FHOD3: variants seen among roughly 807,000 people sequenced by gnomAD.
FHOD3 encodes the protein formin homology 2 domain containing 3.
FHOD3 carries 90 observed loss-of-function variants against 173.0 expected under a neutral mutation model. The ratio of observed to expected loss-of-function variants is 0.52; its 90% CI spans 0.44 to 0.62. The LOEUF (loss-of-function observed/expected upper bound fraction) is 0.62. FHOD3 is among the 20% of genes least tolerant of loss of function. FHOD3 has a pLI of 0.00. For missense variants in FHOD3, 1,945 were observed against 2,034.7 expected (o/e 0.96, Z 0.85); for synonymous variants, 828 against 823.0 (o/e 1.01, Z -0.10).
At chr18:36,440,197 C>T (rs989728379) in intron 3 of FHOD3, among the ~76,000 whole-genome samples, 8 of 152,170 alleles carry the variant, frequency 5.3e-5, no homozygotes, top group African/African-American at 1.7e-4. Flanking sequence ...CAGGGACCAT[C>T]CTTTGAATAG....
chr18:36,674,978 T>G (rs1170809741), intron 14 of FHOD3, among the ~76,000 whole-genome samples: 1 of 152,230 alleles, frequency 6.6e-6, no homozygotes, highest in East Asian at 1.9e-4. Flanking sequence ...TGGGGATTTT[T>G]GAATGCCAAT....
chr18:36,325,170 AG>A (rs1394007778), intron 1 of FHOD3, among the ~76,000 whole-genome samples: 3 of 151,604 alleles, frequency 2.0e-5, no homozygotes, highest in African/African-American at 7.3e-5. Flanking sequence ...TTTGGAGAGG[AG>A]GGGGTTTTGA....
At chr18:36,511,170 C>T (rs544094424) in intron 4 of FHOD3, among the ~76,000 whole-genome samples, 2 of 151,692 alleles carry the variant, frequency 1.3e-5, no homozygotes, top group South Asian at 4.2e-4. Context: ...TTATTTTTGC[C>T]CTGTTGTGAT....
At chr18:36,578,562 C>G (rs2058739190) in intron 6 of FHOD3, among the ~76,000 whole-genome samples, 1 of 152,182 alleles carries the variant, frequency 6.6e-6, no homozygotes, top group Admixed American at 6.5e-5. Flanking sequence ...TAGAGTGAGC[C>G]TTTCCAGGCT....
In FHOD3 at chr18:36,625,576, G is replaced by T. The variant is rs2034038507; in HGVS notation, c.1023G>T (p.Arg341=). Residue 341 remains arginine, a synonymous_variant, in exon 10 of 29, where the codon CGG becomes CGT. Coordinates refer to ENST00000590592, the MANE Select transcript of FHOD3 (RefSeq NM_001281740.3). ...TEPPPSGCRD[R]RRASVCSSGG... ...CACCCCCCAGTGGGTGCCGGGACCGGAGGAGGGCCAGCGTGTGTTCCAGTG... is the reference window on the plus strand; with the variant it reads ...CACCCCCCAGTGGGTGCCGGGACCGTAGGAGGGCCAGCGTGTGTTCCAGTG... 6.5e-7 allele frequency: 1 copy of T among 1,548,830 alleles called. No homozygotes were observed. The highest frequency in any genetic ancestry group is 8.8e-7 in the Non-Finnish European group (1 of 1,139,688).
chr18:36,396,914 A>T (rs1359249426), intron 3 of FHOD3, among the ~76,000 whole-genome samples: 1 of 151,980 alleles, frequency 6.6e-6, no homozygotes, highest in African/African-American at 2.4e-5. Context: ...TTGTTTTAGC[A>T]TAGGGTTTAG....
chr18:36,629,032 T>C (rs1215959625), intron 10 of FHOD3, among the ~76,000 whole-genome samples: 1 of 152,256 alleles, frequency 6.6e-6, no homozygotes, highest in African/African-American at 2.4e-5. Flanking sequence ...GTCACTAATG[T>C]TAACAGTTGT....
At chr18:36,704,140 T>C (rs1426846772) in intron 17 of FHOD3, among the ~76,000 whole-genome samples, 1 of 152,228 alleles carries the variant, frequency 6.6e-6, no homozygotes. Context: ...TTATGCAGTT[T>C]AGTGTTGATT....
intron 5 of FHOD3, among the ~76,000 whole-genome samples, chr18:36,559,894 T>C (rs2058029059): frequency 6.6e-6 from 1 of 152,128 alleles, no homozygotes; most frequent in Non-Finnish European, 1.5e-5. Context: ...GCATGAATTA[T>C]GTTAACTGCC....
At chr18:36,389,324 C>T (rs980234754) in intron 3 of FHOD3, among the ~76,000 whole-genome samples, 29 of 152,352 alleles carry the variant, frequency 1.9e-4, no homozygotes, top group Admixed American at 1.8e-3. Context: ...CATATTCCTC[C>T]CACCCCGCCA....
chr18:36,346,369 A>G (rs1428931301), intron 1 of FHOD3, among the ~76,000 whole-genome samples: 2 of 152,126 alleles, frequency 1.3e-5, no homozygotes, highest in African/African-American at 4.8e-5. Flanking sequence ...CTGCCTCAAA[A>G]CAAAAAACAA....
At chr18:36,655,774 A>ACACACACAC (rs1568559106) in intron 13 of FHOD3, among the ~76,000 whole-genome samples, 1 of 82,096 alleles carries the variant, frequency 1.2e-5, no homozygotes, top group African/African-American at 4.9e-5. Flanking sequence ...CACACACACA[A>ACACACACAC]AAATGCTGAA....
chr18:36,760,828 C>A (rs987353502), intron 27 of FHOD3, 46 bp downstream of exon 27: 1 of 1,545,816 alleles, frequency 6.5e-7, no homozygotes, highest in Admixed American at 1.8e-5. Flanking sequence ...TCAGGTTGGC[C>A]GCTCTGGGGG....
chr18:36,655,551 A>G (rs1411957817), intron 13 of FHOD3, among the ~76,000 whole-genome samples: 1 of 152,210 alleles, frequency 6.6e-6, no homozygotes, highest in African/African-American at 2.4e-5. Flanking sequence ...CAAAGTTTGT[A>G]AACTTTTAAA....
chr18:36,710,920 C>G (rs2040137229), intron 18 of FHOD3: 2 of 152,096 alleles, frequency 1.3e-5, no homozygotes, highest in African/African-American at 4.8e-5. Flanking sequence ...CTGGGTTTAG[C>G]AGGCCTAAAA....
At chr18:36,585,741 C>T (rs1454813732) in intron 6 of FHOD3, among the ~76,000 whole-genome samples, 7 of 152,344 alleles carry the variant, frequency 4.6e-5, no homozygotes, top group South Asian at 2.1e-4. Flanking sequence ...ACTAAGGGTG[C>T]ACCTTTGACT....
At chr18:36,521,842 G>A (rs938451666) in intron 5 of FHOD3, among the ~76,000 whole-genome samples, 2 of 152,188 alleles carry the variant, frequency 1.3e-5, no homozygotes, top group Non-Finnish European at 2.9e-5. Context: ...CTCGTGTGTC[G>A]GTGCAGTCCA....
At position 36,613,529 on chromosome 18, in the gene FHOD3, A is replaced by T. The variant is rs1007463487; in HGVS notation, c.957+1434A>T. ...TTTTCTCTTGGGTGGTATGACCTCA[A>T]CCAGGAAAGTGAATTCCTCTAGGCC... On this transcript the variant is annotated intron_variant, in intron 9 of 28. Transcript: ENST00000590592. Among the ~76,000 whole-genome samples the T allele has an allele frequency of 5.3e-5, 8 of 152,200 alleles. No homozygotes were observed. The South Asian group carries it at 1.7e-3, about 32-fold the overall frequency.
In FHOD3 at chr18:36,652,624, G is replaced by A; in HGVS notation, c.1341G>A (p.Lys447=). Residue 447 remains lysine (K), a synonymous_variant, in exon 12 of 29, where the codon AAG becomes AAA. Coordinates refer to ENST00000590592, the MANE Select transcript of FHOD3 (RefSeq NM_001281740.3). ...QSPTGRDAAP[K]SSALPAVSNA... The stretch of plus-strand genomic sequence containing the variant: ...CCACTGGAAGGGATGCTGCTCCCAA[G>A]AGCTCTGCCCTCCCTGCTGTCTCGA... The A allele has an allele frequency of 6.5e-7, 1 of 1,535,224 alleles. No homozygotes were observed. The highest frequency in any genetic ancestry group is 8.7e-7 in the Non-Finnish European group (1 of 1,146,718).
Sources: allele counts gnomAD v4.1 joint callset (sites outside exome capture counted in the v4.1 genomes callset), GRCh38; gene constraint gnomAD v4.1.1; transcripts MANE v1.5; gene names NCBI Gene and HGNC (gene_info 2026-07-23, HGNC 2026-07-21).